WDR13: variants seen among roughly 807,000 people sequenced by gnomAD.
The protein encoded by WDR13 is WD repeat domain 13.
Under a neutral mutation model 28.6 loss-of-function variants are expected in WDR13, and 1 was observed. That is an observed-to-expected ratio of 0.03 (90% CI 0.01 to 0.17). The LOEUF (loss-of-function observed/expected upper bound fraction) is 0.17, where lower values mean the gene tolerates loss of function less well. Ranked by LOEUF, WDR13 falls within the 10% of genes least tolerant of loss-of-function variation. The pLI is 1.00. For synonymous variants in WDR13, 201 were observed against 185.9 expected, an observed-to-expected ratio of 1.08 and a Z score of -0.66; for missense variants, 264 against 469.3, an observed-to-expected ratio of 0.56 and a Z score of 4.04.
chrX:48,602,290 G>A, intron 8 of WDR13, 84 bp downstream of exon 8: 2 of 1,048,349 alleles, frequency 1.9e-6, no homozygotes. Flanking sequence ...CCTCCATCAG[G>A]TTAATTTAAT....
intron 1 of WDR13, 79 bp from the exon 2 acceptor site, chrX:48,597,879 G>A: frequency 1.8e-6 from 2 of 1,085,524 alleles, no homozygotes; most frequent in South Asian, 2.3e-5. Context: ...CGATGTCTAT[G>A]GCAATGGTCG....
chrX:48,602,532 CTT>C (rs55822629), intron 8 of WDR13, among the ~76,000 whole-genome samples: 40 of 83,847 alleles, frequency 4.8e-4, no homozygotes, highest in South Asian at 1.8e-3. Context: ...TCCTTCCTTC[CTT>C]TTTTTTTTTT....
chrX:48,598,643 C>CGGGGGG, intron 2 of WDR13, 74 bp from the exon 3 acceptor site: 1 of 1,086,118 alleles, frequency 9.2e-7, no homozygotes, highest in East Asian at 3.6e-5. Flanking sequence ...ACTCTCCTGC[C>CGGGGGG]GTACCCCCCC....
At position 48,598,940 on chromosome X, in the gene WDR13, A is replaced by G. The variant is rs782046480; in HGVS notation, c.265A>G (p.Thr89Ala). 8.3e-7 allele frequency: 1 copy of G among 1,199,496 alleles called. No homozygotes were observed. The highest frequency in any genetic ancestry group is 1.8e-5 in the South Asian group (1 of 56,417). The part of the protein sequence containing the change: ...SNSIVRSSRT[T>A]LDRMEDFEDD... ...CAGCATCGTCCGCAGTAGCCGCACT[A>G]CTCTTGACCGCATGGAGGTGAGCTT... The change falls in exon 3 of 10, where the codon ACT (threonine) becomes GCT (alanine). Residue 89 changes from threonine (T) to alanine (A), a missense_variant. Thr to Ala is a moderately conservative substitution (Grantham distance 58). This residue lies in a region of WDR13 where 74 missense variants were observed against 89.3 expected (regional missense o/e 0.83). Coordinates refer to ENST00000376729, the MANE Select transcript of WDR13 (RefSeq NM_001347217.2).
rs782522944 is a variant in WDR13, at chrX:48,604,386, C to T, written c.1269C>T (p.Cys423=). Residue 423 remains cysteine (C), a synonymous_variant, in exon 9 of 10, where the codon TGC becomes TGT. Coordinates refer to ENST00000376729, the MANE Select transcript of WDR13 (RefSeq NM_001347217.2). ...CPLMSFRQGA[C]VVTGSEDMCV... is the part of the protein sequence containing the mutation. ...TCATGTCCTTCCGCCAGGGGGCCTG[C>T]GTGGGTGAGTCCTGTAGGGACAGGG... is the stretch of plus-strand genomic sequence containing the variant. 13 of 1,205,686 alleles carry T rather than the reference C, an allele frequency of 1.1e-5. No individual in the cohort carries two copies. The highest frequency in any genetic ancestry group is 1.5e-5 in the Non-Finnish European group (13 of 892,135).
chrX:48,598,530 T>G (rs1286388350), intron 2 of WDR13, 187 bp from the exon 3 acceptor site: 3 of 1,060,886 alleles, frequency 2.8e-6, no homozygotes, highest in Non-Finnish European at 2.4e-6. Context: ...ATGACCATGC[T>G]CATTATTACT....
At chrX:48,604,750 C>A in intron 9 of WDR13, 98 bp from the exon 10 acceptor site, 1 of 999,137 alleles carries the variant, frequency 1.0e-6, no homozygotes. Context: ...GACCTCACAC[C>A]TCGGACATAC....
intron 2 of WDR13, 90 bp downstream of exon 2, chrX:48,598,127 T>C (rs1354336653): frequency 6.1e-6 from 7 of 1,146,678 alleles, no homozygotes; most frequent in Non-Finnish European, 8.1e-6. Context: ...GAACTTGCCT[T>C]ATGCGGCTGC....
At chrX:48,604,234 C>T (rs1162983617) in intron 8 of WDR13, 38 bp from the exon 9 acceptor site, 1 of 1,167,695 alleles carries the variant, frequency 8.6e-7, no homozygotes, top group Non-Finnish European at 1.2e-6. Flanking sequence ...CCTGCTAGGG[C>T]TGGGGCTGTG....
chrX:48,605,154 C>A lies in WDR13; in HGVS notation c.*122C>A. On this transcript the variant is annotated 3_prime_UTR_variant, in exon 10 of 10. Coordinates refer to ENST00000376729, the MANE Select transcript of WDR13 (RefSeq NM_001347217.2). ...CCAGCTCTGCCGGGGACGGACAGGGCAGAGGGCAGCGGGCAGCTCCAGGAA... is the reference window on the plus strand; with the variant it reads ...CCAGCTCTGCCGGGGACGGACAGGGAAGAGGGCAGCGGGCAGCTCCAGGAA... 1.1e-6 allele frequency: 1 copy of A among 899,219 alleles called. No homozygotes were observed. The highest frequency in any genetic ancestry group is 1.5e-6 in the Non-Finnish European group (1 of 663,000). The allele number at this position is 899,219 out of a possible 1,213,427, so 74.1% of individuals were successfully genotyped here. A position where few individuals can be genotyped will look rare whatever the true frequency, so the allele number is the denominator to read the frequency against.
rs781949403 is a variant in WDR13, at chrX:48,605,829, G to C, written c.*797G>C. The stretch of plus-strand genomic sequence containing the variant: ...TCCACTCGCCTCAGCCTCCCAAAGT[G>C]CTGGGATTACAGGCATGAACCACCA... On this transcript the variant is annotated 3_prime_UTR_variant, in exon 10 of 10. Transcript: ENST00000376729. 1.8e-5 allele frequency: 2 copies of C among 111,457 alleles called. No individual in the cohort carries two copies. Among genetic ancestry groups the C allele is most frequent in the Non-Finnish European group, 3.8e-5 (2 of 53,290 alleles). 9.2% of individuals were successfully genotyped at this position (111,457 alleles called of 1,213,427 possible).
In WDR13 at chrX:48,600,570, G is replaced by A. The variant is rs1353255948; in HGVS notation, c.775G>A (p.Asp259Asn). Reference sequence around the variant, plus strand: ...CTGCATCCGAGAGATCCCTGACCCCGATAGCGCTGAACTGCTCTGCTGCAC... The same window carrying A: ...CTGCATCCGAGAGATCCCTGACCCCAATAGCGCTGAACTGCTCTGCTGCAC... ...GRCIREIPDP[D>N]SAELLCCTFQ... Residue 259 changes from aspartate to asparagine, a missense_variant, in exon 6 of 10, where the codon GAT (aspartate) becomes AAT (asparagine). Transcript: ENST00000376729. 6.6e-6 allele frequency: 8 copies of A among 1,210,037 alleles called. No homozygotes were observed. Among genetic ancestry groups the A allele is most frequent in the Admixed American group, 2.2e-5 (1 of 45,809 alleles).
intron 9 of WDR13, among the ~76,000 whole-genome samples, 197 bp downstream of exon 9, chrX:48,604,587 C>A (rs2062209840): frequency 8.9e-6 from 1 of 112,707 alleles, no homozygotes; most frequent in Admixed American, 9.4e-5. Flanking sequence ...TTGATCTCGG[C>A]CAAAAGGCCG....
In WDR13 at chrX:48,599,432, C is replaced by A; in HGVS notation, c.362C>A (p.Ala121Glu). Reference protein sequence around the residue: ...SVSRGSYQLQAQMNRAVYEDR... With the variant: ...SVSRGSYQLQEQMNRAVYEDR... Reference sequence around the variant, plus strand: ...AGCAGAGGCTCCTACCAGCTGCAGGCGCAGATGAACCGTGCCGTCTATGAG... The same window carrying A: ...AGCAGAGGCTCCTACCAGCTGCAGGAGCAGATGAACCGTGCCGTCTATGAG... The change falls in exon 4 of 10, where the codon GCG becomes GAG. Residue 121 changes from alanine (A) to glutamate (E), a missense_variant. By Grantham distance (107) the Ala-to-Glu change is moderately radical. Transcript: ENST00000376729. The A allele has an allele frequency of 8.3e-7, 1 of 1,210,271 alleles. No homozygotes were observed. Among genetic ancestry groups the A allele is most frequent in the Non-Finnish European group, 1.1e-6 (1 of 894,462 alleles).
chrX:48,597,785 C>T, intron 1 of WDR13, 171 bp downstream of exon 1: 1 of 541,824 alleles, frequency 1.8e-6, no homozygotes, highest in Middle Eastern at 5.8e-4. Flanking sequence ...GTCACCCGGG[C>T]GCTGCCCAGG....
intron 3 of WDR13, 100 bp from the exon 4 acceptor site, chrX:48,599,253 G>T: frequency 1.4e-6 from 1 of 713,699 alleles, no homozygotes. Context: ...GGGACACAGT[G>T]AGAAGTGATC....
intron 2 of WDR13, 21 bp downstream of exon 2, chrX:48,598,058 C>T (rs1556993169): frequency 4.3e-6 from 5 of 1,162,947 alleles, no homozygotes; most frequent in Non-Finnish European, 5.7e-6. Flanking sequence ...GGGTCAAAGC[C>T]CATGGGAGCA....
intron 6 of WDR13, 90 bp downstream of exon 6, chrX:48,600,716 A>G (rs1266264235): frequency 1.9e-6 from 2 of 1,057,692 alleles, no homozygotes; most frequent in Non-Finnish European, 2.5e-6. Flanking sequence ...AGGGACAGCC[A>G]GGGGGGGCCT....
rs2062214654 is a variant in WDR13 at position 48,605,145 on chromosome X, C to T, written c.*113C>T. 14 of 980,862 alleles carry T rather than the reference C, an allele frequency of 1.4e-5. No individual in the cohort carries two copies. In the Middle Eastern group the frequency reaches 1.7e-3, roughly 116 times the overall value. 80.8% of individuals were successfully genotyped at this position (980,862 alleles called of 1,213,427 possible). On this transcript the variant is annotated 3_prime_UTR_variant, in exon 10 of 10. Transcript: ENST00000376729. ...GGCCGGCTCCCAGCTCTGCCGGGGACGGACAGGGCAGAGGGCAGCGGGCAG... is the reference window on the plus strand; with the variant it reads ...GGCCGGCTCCCAGCTCTGCCGGGGATGGACAGGGCAGAGGGCAGCGGGCAG...
Sources: gnomAD v4.1 joint callset for allele counts (sites outside exome capture counted in the v4.1 genomes callset) on GRCh38, gnomAD v4.1.1 for gene constraint, gnomAD v4.1.1 regional missense constraint, MANE v1.5 for transcripts, NCBI Gene and HGNC (gene_info 2026-07-23, HGNC 2026-07-21) for gene names.